The following RWDD1 variants were observed in gnomAD, a reference collection of about 807,000 sequenced individuals.
RWDD1 encodes the protein RWD domain-containing protein 1.
Under a neutral mutation model 31.6 loss-of-function variants are expected in RWDD1, and 17 were observed. The observed-to-expected ratio is 0.54, with a 90% CI of 0.37 to 0.81. The LOEUF is 0.81. Among genes scored for constraint, RWDD1 ranks in the 30% least tolerant of loss-of-function variants. RWDD1 has a pLI of 0.00. For synonymous variants in RWDD1, 78 were observed against 94.2 expected (o/e 0.83, Z 0.99); for missense variants, 204 against 274.5 (o/e 0.74, Z 1.82).
rs190483879 is a variant in RWDD1, at chr6:116,589,691, T to A, written c.415-581T>A. Among the ~76,000 whole-genome samples, 496 of 152,260 alleles carry A rather than the reference T, an allele frequency of 3.3e-3. 13 individuals carry two copies. Among genetic ancestry groups the A allele is most frequent in the Admixed American group, 0.024 (368 of 15,290 alleles). ...GAACAAAAAGGGGTTTAATTGGACTTAGAGTTCCACATAGCTGGGAAGGCC... is the reference window on the plus strand; with the variant it reads ...GAACAAAAAGGGGTTTAATTGGACTAAGAGTTCCACATAGCTGGGAAGGCC... On this transcript the variant is annotated intron_variant, in intron 4 of 6. Coordinates refer to ENST00000466444, the MANE Select transcript of RWDD1 (RefSeq NM_015952.4).
intron 3 of RWDD1, among the ~76,000 whole-genome samples, chr6:116,585,429 C>T (rs1251427991): frequency 6.6e-6 from 1 of 152,054 alleles, no homozygotes; most frequent in East Asian, 1.9e-4. Context: ...GATAGGCTAC[C>T]TGTAATCTGG....
At position 116,593,029 on chromosome 6, in the gene RWDD1, C is replaced by T. The variant is rs147351925; in HGVS notation, c.660C>T (p.Asp220=). Residue 220 remains aspartate (D), a synonymous_variant, in exon 7 of 7, where the codon GAC becomes GAT. Coordinates refer to ENST00000466444, the MANE Select transcript of RWDD1 (RefSeq NM_015952.4). ...VDESLFQEMD[D]LELEDDEDDP... is the part of the protein sequence containing the mutation. ...AGTCTTTGTTCCAAGAAATGGATGA[C>T]TTGGAGCTGGAGGATGATGAAGATG... The T allele has an allele frequency of 1.9e-6, 3 of 1,612,598 alleles. No individual in the cohort carries two copies. The highest frequency in any genetic ancestry group is 2.7e-5 in the African/African-American group (2 of 74,416).
intron 1 of RWDD1, chr6:116,574,117 C>T: frequency 3.7e-6 from 1 of 270,342 alleles, no homozygotes; most frequent in Non-Finnish European, 5.7e-6. Context: ...TAAATGGACT[C>T]TCCTGATACC....
At chr6:116,584,640 T>A in intron 2 of RWDD1, 87 bp from the exon 3 acceptor site, 1 of 1,181,280 alleles carries the variant, frequency 8.5e-7, no homozygotes, top group Non-Finnish European at 1.2e-6. Flanking sequence ...TAGGAAAATC[T>A]ATTGTGCTAC....
chr6:116,589,798 C>G (rs1217562840), intron 4 of RWDD1, among the ~76,000 whole-genome samples: 1 of 152,048 alleles, frequency 6.6e-6, no homozygotes, highest in Non-Finnish European at 1.5e-5. Flanking sequence ...AAGCAGAAAC[C>G]CCTGATAAAC....
Position 116,594,171 on chromosome 6 carries a change from A to G in RWDD1, c.*1070A>G, listed in dbSNP as rs570079638. ...GGGAACTCCCTCACCCCTGCTCCCC[A>G]CAGGAAGGCATTAATCTATTTATGA... On this transcript the variant is annotated 3_prime_UTR_variant, in exon 7 of 7. Transcript: ENST00000466444. 6.8e-6 allele frequency: 1 copy of G among 146,842 alleles called. No individual in the cohort carries two copies. Among genetic ancestry groups the G allele is most frequent in the South Asian group, 2.2e-4 (1 of 4,638 alleles). The allele number at this position is 146,842 out of a possible 1,614,324, so 9.1% of individuals were successfully genotyped here. A position where few individuals can be genotyped will look rare whatever the true frequency, so the allele number is the denominator to read the frequency against.
chr6:116,582,088 A>T (rs1318473173), intron 2 of RWDD1, among the ~76,000 whole-genome samples: 1 of 151,968 alleles, frequency 6.6e-6, no homozygotes, highest in African/African-American at 2.4e-5. Flanking sequence ...AAATATATGC[A>T]GATAAAAATA....
intron 3 of RWDD1, among the ~76,000 whole-genome samples, chr6:116,585,782 A>G (rs1775030089): frequency 6.6e-6 from 1 of 151,994 alleles, no homozygotes; most frequent in African/African-American, 2.4e-5. Flanking sequence ...GCTAATTCTA[A>G]CATCTTTTTT....
rs1419536040 is a variant in RWDD1, at chr6:116,596,447, C to T, written c.*3346C>T. 6.6e-6 allele frequency: 1 copy of T among 152,154 alleles called. No individual in the cohort carries two copies. The highest frequency in any genetic ancestry group is 2.4e-5 in the African/African-American group (1 of 41,426). The allele number at this position is 152,154 out of a possible 1,614,324, so 9.4% of individuals were successfully genotyped here. A position where few individuals can be genotyped will look rare whatever the true frequency, so the allele number is the denominator to read the frequency against. On this transcript the variant is annotated 3_prime_UTR_variant, in exon 7 of 7. Coordinates refer to ENST00000466444, the MANE Select transcript of RWDD1 (RefSeq NM_015952.4). Reference sequence around the variant, plus strand: ...TTCAAGTAACCTTTCACTTAAGTTACTTGTGTCAGAGGATGGATGATGGGG... The same window carrying T: ...TTCAAGTAACCTTTCACTTAAGTTATTTGTGTCAGAGGATGGATGATGGGG...
intron 3 of RWDD1, among the ~76,000 whole-genome samples, 200 bp downstream of exon 3, chr6:116,585,057 C>G (rs565112953): frequency 3.3e-5 from 5 of 152,234 alleles, no homozygotes; most frequent in African/African-American, 1.2e-4. Context: ...GTCCCAGTGC[C>G]CCTGCTTGAA....
chr6:116,594,160 C>G lies in RWDD1; in HGVS notation c.*1059C>G, dbSNP rs185522941. On this transcript the variant is annotated 3_prime_UTR_variant, in exon 7 of 7. Coordinates refer to ENST00000466444, the MANE Select transcript of RWDD1 (RefSeq NM_015952.4). Reference sequence around the variant, plus strand: ...CTAGCTTTGGTGGGAACTCCCTCACCCCTGCTCCCCACAGGAAGGCATTAA... The same window carrying G: ...CTAGCTTTGGTGGGAACTCCCTCACGCCTGCTCCCCACAGGAAGGCATTAA... 1.3e-5 allele frequency: 2 copies of G among 151,052 alleles called. No individual in the cohort carries two copies. The highest frequency in any genetic ancestry group is 2.9e-5 in the Non-Finnish European group (2 of 67,908). The allele number at this position is 151,052 out of a possible 1,614,324, so 9.4% of individuals were successfully genotyped here.
intron 4 of RWDD1, among the ~76,000 whole-genome samples, chr6:116,589,438 G>C (rs532910046): frequency 6.6e-6 from 1 of 152,220 alleles, no homozygotes; most frequent in Admixed American, 6.5e-5. Context: ...GGCTGCATGT[G>C]GCTCTCAGGC....
At chr6:116,591,317 C>T (rs988382130) in intron 6 of RWDD1, among the ~76,000 whole-genome samples, 1 of 152,066 alleles carries the variant, frequency 6.6e-6, no homozygotes, top group Admixed American at 6.6e-5. Context: ...GTAACTTAAG[C>T]AATATCAAAG....
In RWDD1 at chr6:116,588,925, A is replaced by G. The variant is rs762877250; in HGVS notation, c.354A>G (p.Ile118Met). ...QEKLNEIVDQ[I>M]KTRREEEKKQ... Reference sequence around the variant, plus strand: ...AATTAAATGAAATAGTAGATCAGATAAAAACTAGAAGAGAAGAAGAAAAGA... The same window carrying G: ...AATTAAATGAAATAGTAGATCAGATGAAAACTAGAAGAGAAGAAGAAAAGA... Residue 118 changes from isoleucine (I) to methionine (M), a missense_variant, in exon 4 of 7, where the codon ATA becomes ATG. Ile to Met is a conservative substitution (Grantham distance 10). Transcript: ENST00000466444. 1.4e-6 allele frequency: 2 copies of G among 1,478,526 alleles called. No homozygotes were observed. The highest frequency in any genetic ancestry group is 1.8e-6 in the Non-Finnish European group (2 of 1,108,850). The allele number at this position is 1,478,526 out of a possible 1,614,324, so 91.6% of individuals were successfully genotyped here. A position where few individuals can be genotyped will look rare whatever the true frequency, so the allele number is the denominator to read the frequency against.
intron 1 of RWDD1, among the ~76,000 whole-genome samples, chr6:116,577,901 A>G (rs763070185): frequency 7.9e-5 from 12 of 152,172 alleles, no homozygotes. Context: ...AGTTCAGCAA[A>G]TGGAATAATT....
intron 3 of RWDD1, among the ~76,000 whole-genome samples, chr6:116,586,039 T>C (rs972449338): frequency 5.3e-5 from 8 of 152,204 alleles, no homozygotes; most frequent in Non-Finnish European, 1.2e-4. Context: ...ATGTAAATTA[T>C]TCAGTCTAAG....
At chr6:116,590,801 G>T in intron 5 of RWDD1, 87 bp from the exon 6 acceptor site, 4 of 1,470,472 alleles carry the variant, frequency 2.7e-6, no homozygotes, top group African/African-American at 1.5e-5. Flanking sequence ...AGAAAAAGAG[G>T]TTTTCAAATT....
At chr6:116,585,233 A>C (rs1447128941) in intron 3 of RWDD1, among the ~76,000 whole-genome samples, 4 of 151,122 alleles carry the variant, frequency 2.6e-5, no homozygotes, top group African/African-American at 9.7e-5. Flanking sequence ...TCCCTCTCTG[A>C]CTTTTACATG....
At chr6:116,578,792 T>C (rs1774898013) in intron 1 of RWDD1, among the ~76,000 whole-genome samples, 1 of 152,252 alleles carries the variant, frequency 6.6e-6, no homozygotes, top group Non-Finnish European at 1.5e-5. Context: ...AACACTTTTC[T>C]AGTAATCACA....
Sources: allele counts gnomAD v4.1 joint callset (sites outside exome capture counted in the v4.1 genomes callset), GRCh38; gene constraint gnomAD v4.1.1; transcripts MANE v1.5; gene names NCBI Gene and HGNC (gene_info 2026-07-23, HGNC 2026-07-21).